The following CDC73 variants were observed in gnomAD, a reference collection of about 807,000 sequenced individuals.
The protein encoded by CDC73 is parafibromin.
In CDC73, 21 loss-of-function variants were observed where a neutral mutation model predicts 83.7. The observed-to-expected ratio is 0.25, with a 90% CI of 0.18 to 0.36. The LOEUF (loss-of-function observed/expected upper bound fraction) is 0.36. CDC73 is among the 10% of genes least tolerant of loss of function. CDC73 has a pLI of 1.00. For synonymous variants in CDC73, 224 were observed against 212.9 expected, an observed-to-expected ratio of 1.05 and a Z score of -0.45; for missense variants, 342 against 653.3, an observed-to-expected ratio of 0.52 and a Z score of 5.19.
chr1:193,136,959 A>G lies in CDC73; in HGVS notation c.424-1126A>G, dbSNP rs528567617. Among the ~76,000 whole-genome samples the G allele has an allele frequency of 6.0e-4, 92 of 152,364 alleles. No individual in the cohort carries two copies. The Middle Eastern group carries it at 0.01, about 17-fold the overall frequency. ...TTTCCTGGGATTCCAGTAACTTAAAAAATCAGCAGGAAATGGCATAATACA... is the reference window on the plus strand; with the variant it reads ...TTTCCTGGGATTCCAGTAACTTAAAGAATCAGCAGGAAATGGCATAATACA... On this transcript the variant is annotated intron_variant, in intron 5 of 16. Coordinates refer to ENST00000367435, the MANE Select transcript of CDC73 (RefSeq NM_024529.5).
intron 10 of CDC73, among the ~76,000 whole-genome samples, chr1:193,172,511 A>G (rs999058432): frequency 2.0e-5 from 3 of 152,120 alleles, no homozygotes; most frequent in East Asian, 1.9e-4. Context: ...CCTACCTTAA[A>G]TATGCTAAGA....
chr1:193,233,620 T>G (rs983034843), intron 14 of CDC73, among the ~76,000 whole-genome samples: 9 of 152,328 alleles, frequency 5.9e-5, no homozygotes, highest in Admixed American at 3.3e-4. Context: ...AAAAATTCTT[T>G]CCACTTGTTC....
At chr1:193,202,066 C>T (rs888665182) in intron 10 of CDC73, among the ~76,000 whole-genome samples, 1 of 152,068 alleles carries the variant, frequency 6.6e-6, no homozygotes. Context: ...CACATCCCCA[C>T]GAGTCAGTAT....
chr1:193,213,720 T>C (rs767866129), intron 13 of CDC73, among the ~76,000 whole-genome samples: 2 of 152,218 alleles, frequency 1.3e-5, no homozygotes, highest in Non-Finnish European at 2.9e-5. Flanking sequence ...TTGTTAGGAA[T>C]TTGGACTGTT....
At chr1:193,134,965 T>G (rs1675764072) in intron 3 of CDC73, among the ~76,000 whole-genome samples, 1 of 152,132 alleles carries the variant, frequency 6.6e-6, no homozygotes, top group Non-Finnish European at 1.5e-5. Context: ...TAATTTAGTT[T>G]TTTACCAGTT....
intron 10 of CDC73, chr1:193,186,330 T>C (rs1225572462): frequency 2.6e-5 from 4 of 152,520 alleles, no homozygotes; most frequent in Non-Finnish European, 4.4e-5. Context: ...AGTTGATGCA[T>C]TGAAGCTTTT....
chr1:193,242,144 C>T (rs145749493), intron 15 of CDC73, among the ~76,000 whole-genome samples: 3 of 147,210 alleles, frequency 2.0e-5, no homozygotes, highest in Admixed American at 6.8e-5. Flanking sequence ...CCCACCCCGA[C>T]TTAGGGTGTA....
rs776394390 is a variant in CDC73, at chr1:193,142,005, A to G, written c.668A>G (p.Asp223Gly). Residue 223 changes from aspartate (D) to glycine (G), a missense_variant, in exon 7 of 17, where the codon GAT becomes GGT. Asp to Gly is a moderately conservative substitution (Grantham distance 94). Transcript: ENST00000367435. The stretch of plus-strand genomic sequence containing the variant: ...GATGCTGAGGTAGATGTGACCCGAG[A>G]TATTGTCAGCAGAGAGAGAGTATGG... ...FVDAEVDVTR[D>G]IVSRERVWRT... is the part of the protein sequence containing the mutation. The G allele has an allele frequency of 1.9e-6, 3 of 1,614,036 alleles. No individual in the cohort carries two copies. Among genetic ancestry groups the G allele is most frequent in the Non-Finnish European group, 2.5e-6 (3 of 1,179,950 alleles).
intron 9 of CDC73, among the ~76,000 whole-genome samples, chr1:193,151,430 C>A (rs10801180): frequency 0.72 from 110,113 of 152,094 alleles, 40,136 homozygotes; most frequent in South Asian, 0.82. Flanking sequence ...AACTAAATAT[C>A]ACCCTCCATG....
Position 193,250,756 on chromosome 1 carries a change from A to G in CDC73, c.*44A>G, listed in dbSNP as rs137934323. The G allele has an allele frequency of 6.6e-7, 1 of 1,516,578 alleles. No individual in the cohort carries two copies. The highest frequency in any genetic ancestry group is 9.2e-7 in the Non-Finnish European group (1 of 1,092,088). 93.9% of individuals were successfully genotyped at this position (1,516,578 alleles called of 1,614,324 possible). On this transcript the variant is annotated 3_prime_UTR_variant, in exon 17 of 17. Coordinates refer to ENST00000367435, the MANE Select transcript of CDC73 (RefSeq NM_024529.5). ...TTCTGGAAATTGAGACTCAAGCTTT[A>G]TGAATTTATCAAGAACTTAAAAATG...
At chr1:193,135,186 A>C (rs1675769276) in intron 3 of CDC73, among the ~76,000 whole-genome samples, 1 of 152,186 alleles carries the variant, frequency 6.6e-6, no homozygotes, top group South Asian at 2.1e-4. Context: ...AATTGTTAAA[A>C]ATAGTTTGTC....
At chr1:193,140,479 A>G (rs1255871180) in intron 6 of CDC73, among the ~76,000 whole-genome samples, 4 of 152,184 alleles carry the variant, frequency 2.6e-5, no homozygotes, top group Middle Eastern at 3.2e-3. Context: ...AGGAGTGCCA[A>G]GGTCACCTTG....
chr1:193,168,530 CTT>C (rs1236988317), intron 10 of CDC73, among the ~76,000 whole-genome samples: 8 of 143,638 alleles, frequency 5.6e-5, no homozygotes, highest in Admixed American at 7.0e-5. Flanking sequence ...TTAACTCTGC[CTT>C]TTTTTTTTTT....
rs2103123767 is a variant in CDC73, at chr1:193,138,124, G to A, written c.463G>A (p.Ala155Thr). The A allele has an allele frequency of 6.2e-7, 1 of 1,613,738 alleles. No individual in the cohort carries two copies. Among genetic ancestry groups the A allele is most frequent in the Non-Finnish European group, 8.5e-7 (1 of 1,179,712 alleles). The change falls in exon 6 of 17, where the codon GCC becomes ACC. Residue 155 changes from alanine to threonine, a missense_variant. By Grantham distance (58) the Ala-to-Thr change is moderately conservative (BLOSUM62 0). Around this residue, in one of 3 missense-constraint regions of CDC73, gnomAD observed 4 missense variants for 58.2 expected, o/e 0.07. Transcript: ENST00000367435. ...GCGCCTTGATAAAGAGAGATTGGCTGCCCGTTTGGAGGGTCACAAAGAAGG... is the reference window on the plus strand; with the variant it reads ...GCGCCTTGATAAAGAGAGATTGGCTACCCGTTTGGAGGGTCACAAAGAAGG... ...CVRLDKERLA[A>T]RLEGHKEGIV...
rs777243964 is a variant in CDC73 at position 193,254,115 on chromosome 1, GTC to G, written c.*3405_*3406del. ...AAATGCAAAATTATGAGTAAGATAA[GTC>G]TTTTTAAATTTTTTATTTTTAATTT... On this transcript the variant is annotated 3_prime_UTR_variant, in exon 17 of 17. Transcript: ENST00000367435. Among the ~76,000 whole-genome samples, 1 of 151,770 alleles carries G rather than the reference GTC, an allele frequency of 6.6e-6. No homozygotes were observed. The highest frequency in any genetic ancestry group is 1.5e-5 in the Non-Finnish European group (1 of 67,834).
At chr1:193,150,009 G>A (rs1377661865) in intron 8 of CDC73, among the ~76,000 whole-genome samples, 4 of 152,102 alleles carry the variant, frequency 2.6e-5, no homozygotes, top group Non-Finnish European at 5.9e-5. Context: ...AGGTATGGTG[G>A]CTCATGCCTG....
chr1:193,163,550 G>A (rs1369418001), intron 10 of CDC73, among the ~76,000 whole-genome samples: 3 of 151,758 alleles, frequency 2.0e-5, no homozygotes, highest in Admixed American at 6.6e-5. Context: ...CTTCAAGAAC[G>A]TAACTATTTA....
chr1:193,125,759 A>AT (rs112649489), intron 2 of CDC73, among the ~76,000 whole-genome samples: 171 of 134,080 alleles, frequency 1.3e-3, no homozygotes, highest in East Asian at 7.7e-3. Context: ...GTATTAACAC[A>AT]TTTTTTTTTT....
chr1:193,252,413 A>C lies in CDC73; in HGVS notation c.*1701A>C, dbSNP rs559446810. The C allele has an allele frequency of 2.2e-5, 5 of 230,082 alleles. No homozygotes were observed. Among genetic ancestry groups the C allele is most frequent in the African/African-American group, 1.1e-4 (5 of 45,342 alleles). 14.3% of individuals were successfully genotyped at this position (230,082 alleles called of 1,614,324 possible). On this transcript the variant is annotated 3_prime_UTR_variant, in exon 17 of 17. Transcript: ENST00000367435. ...ATATTTTTATGTAAGATTACTTGTC[A>C]AGACTACTACAAGTCAGTATGAACT...
Sources: gnomAD v4.1 joint callset for allele counts (sites outside exome capture counted in the v4.1 genomes callset) on GRCh38, gnomAD v4.1.1 for gene constraint, gnomAD v4.1.1 regional missense constraint, MANE v1.5 for transcripts, NCBI Gene and HGNC (gene_info 2026-07-23, HGNC 2026-07-21) for gene names.